Variants in FABP5 observed in about 807,000 individuals in gnomAD.
The protein encoded by FABP5 is fatty acid-binding protein 5.
Under a neutral mutation model 16.9 loss-of-function variants are expected in FABP5, and 7 were observed. That is an observed-to-expected ratio of 0.41 (90% CI 0.24 to 0.78). The LOEUF is 0.78. FABP5 is among the 30% of genes least tolerant of loss of function. FABP5 has a pLI of 0.30. For synonymous variants in FABP5, 37 were observed against 52.8 expected (o/e 0.70, Z 1.30); for missense variants, 119 against 159.5 (o/e 0.75, Z 1.37).
At chr8:81,284,115 ATT>A (rs1807876115) in intron 3 of FABP5, 141 bp downstream of exon 3, 2 of 642,214 alleles carry the variant, frequency 3.1e-6, no homozygotes, top group South Asian at 4.1e-5. Context: ...TAGAACACTA[ATT>A]ATTAAGAAAG....
In FABP5 at chr8:81,281,787, A is replaced by C. The variant is rs1392046594; in HGVS notation, c.79+1113A>C. 3.6e-6 allele frequency: 2 copies of C among 557,818 alleles called. No individual in the cohort carries two copies. Among genetic ancestry groups the C allele is most frequent in the Non-Finnish European group, 4.5e-6 (2 of 439,768 alleles). The allele number at this position is 557,818 out of a possible 1,614,324, so 34.6% of individuals were successfully genotyped here. ...CTGGATAAATTGCAAACAAAAATGGACCTTTGTCACAGGCCACTAGGAAGT... is the reference window on the plus strand; with the variant it reads ...CTGGATAAATTGCAAACAAAAATGGCCCTTTGTCACAGGCCACTAGGAAGT... On this transcript the variant is annotated intron_variant, in intron 1 of 3. Coordinates refer to ENST00000297258, the MANE Select transcript of FABP5 (RefSeq NM_001444.3). The surrounding 1 kb of genome is among the most constrained non-coding windows in gnomAD (Gnocchi z 4.5).
In FABP5 at chr8:81,281,819, G is replaced by T. The variant is rs564681925; in HGVS notation, c.79+1145G>T. ...TCACAGGCCACTAGGAAGTGAGATGGAGTTAGCATAGCATGGATCCTCTCT... is the reference window on the plus strand; with the variant it reads ...TCACAGGCCACTAGGAAGTGAGATGTAGTTAGCATAGCATGGATCCTCTCT... On this transcript the variant is annotated intron_variant, in intron 1 of 3. Coordinates refer to ENST00000297258, the MANE Select transcript of FABP5 (RefSeq NM_001444.3). This position sits in a 1 kb window ranked among gnomAD's most constrained non-coding sequence, Gnocchi z 4.5. 2.4e-3 allele frequency: 694 copies of T among 293,842 alleles called. 1 individual carries two copies. The highest frequency in any genetic ancestry group is 0.012 in the South Asian group (94 of 7,616). 18.2% of individuals were successfully genotyped at this position (293,842 alleles called of 1,614,324 possible). A position where few individuals can be genotyped will look rare whatever the true frequency, so the allele number is the denominator to read the frequency against.
intron 1 of FABP5, among the ~76,000 whole-genome samples, chr8:81,282,167 A>AGTGTGT (rs10700115): frequency 0.19 from 28,660 of 147,616 alleles, 2,936 homozygotes; most frequent in Middle Eastern, 0.25. Flanking sequence ...AATAAATAAC[A>AGTGTGT]GTGTGTGTGT....
chr8:81,283,265 A>G lies in FABP5; in HGVS notation c.80-101A>G. 2.9e-6 allele frequency: 3 copies of G among 1,029,714 alleles called. No individual in the cohort carries two copies. In the South Asian group the frequency reaches 5.3e-5, roughly 18 times the overall value. 63.8% of individuals were successfully genotyped at this position (1,029,714 alleles called of 1,614,324 possible). ...ATAGTTATCAATAAGCAAATAAGTG[A>G]AAATATGCCGCACAAAGTGATTACA... On this transcript the variant is annotated intron_variant, in intron 1 of 3. Coordinates refer to ENST00000297258, the MANE Select transcript of FABP5 (RefSeq NM_001444.3).
chr8:81,283,805 G>A, intron 2 of FABP5, 68 bp from the exon 3 acceptor site: 6 of 1,236,600 alleles, frequency 4.9e-6, no homozygotes, highest in Non-Finnish European at 6.9e-6. Flanking sequence ...GTTGATTAAG[G>A]AGGTTATGAG....
chr8:81,280,983 G>A, intron 1 of FABP5: 1 of 348,530 alleles, frequency 2.9e-6, no homozygotes, highest in Non-Finnish European at 5.4e-6. Flanking sequence ...CTTCCGCATT[G>A]CTTCCTGTCC....
chr8:81,283,958 A>T lies in FABP5; in HGVS notation c.338A>T (p.Asp113Val). ...KESTITRKLK[D>V]GKLVVECVMN... Reference sequence around the variant, plus strand: ...AGCACAATAACAAGAAAATTGAAAGATGGGAAATTAGTGGTGGTAAGTGTC... The same window carrying T: ...AGCACAATAACAAGAAAATTGAAAGTTGGGAAATTAGTGGTGGTAAGTGTC... Residue 113 changes from aspartate to valine, a missense_variant, in exon 3 of 4, where the codon GAT becomes GTT. Coordinates refer to ENST00000297258, the MANE Select transcript of FABP5 (RefSeq NM_001444.3). 1 of 1,608,184 alleles carries T rather than the reference A, an allele frequency of 6.2e-7. No homozygotes were observed. The highest frequency in any genetic ancestry group is 1.7e-4 in the Middle Eastern group (1 of 6,056).
intron 1 of FABP5, among the ~76,000 whole-genome samples, chr8:81,282,785 A>G (rs1195346414): frequency 1.3e-5 from 2 of 152,114 alleles, no homozygotes; most frequent in African/African-American, 2.4e-5. Flanking sequence ...CTCAGGATCA[A>G]TTTCTATTTT....
rs1320301683 is a variant in FABP5, at chr8:81,280,613, G to C, written c.18G>C (p.Gln6His). 6.4e-7 allele frequency: 1 copy of C among 1,557,736 alleles called. No homozygotes were observed. The highest frequency in any genetic ancestry group is 8.7e-7 in the Non-Finnish European group (1 of 1,149,972). MATVQ[Q>H]LEGRWRLVDS... ...CACCCACCATGGCCACAGTTCAGCA[G>C]CTGGAAGGAAGATGGCGCCTGGTGG... Residue 6 changes from glutamine to histidine, a missense_variant, in exon 1 of 4, where the codon CAG becomes CAC. Gln to His is a conservative substitution (Grantham distance 24, BLOSUM62 0). Coordinates refer to ENST00000297258, the MANE Select transcript of FABP5 (RefSeq NM_001444.3).
rs145774881 is a variant in FABP5, at chr8:81,283,416, A to T, written c.130A>T (p.Ile44Phe). ...GGGCGCAATGGCCAAGCCAGATTGT[A>T]TCATCACTTGTGATGGTAAAAACCT... The part of the protein sequence containing the change: ...KMGAMAKPDC[I>F]ITCDGKNLTI... The change falls in exon 2 of 4, where the codon ATC (isoleucine) becomes TTC (phenylalanine). Residue 44 changes from isoleucine (I) to phenylalanine (F), a missense_variant. Coordinates refer to ENST00000297258, the MANE Select transcript of FABP5 (RefSeq NM_001444.3). 6.2e-7 allele frequency: 1 copy of T among 1,611,370 alleles called. No individual in the cohort carries two copies. Among genetic ancestry groups the T allele is most frequent in the East Asian group, 2.2e-5 (1 of 44,856 alleles).
chr8:81,280,987 C>T (rs1320715405), intron 1 of FABP5: 4 of 331,214 alleles, frequency 1.2e-5, no homozygotes, highest in African/African-American at 2.2e-5. Flanking sequence ...CGCATTGCTT[C>T]CTGTCCTTTA....
At chr8:81,283,337 G>A (rs1190705245) in intron 1 of FABP5, 29 bp from the exon 2 acceptor site, 4 of 1,539,084 alleles carry the variant, frequency 2.6e-6, no homozygotes, top group Non-Finnish European at 2.6e-6. Context: ...TGGTCTTCCT[G>A]TTATTTAACA....
Position 81,281,190 on chromosome 8 carries a change from C to T in FABP5, c.79+516C>T, listed in dbSNP as rs1018341349. The stretch of plus-strand genomic sequence containing the variant: ...CTTTTGTTCCCTGTGGCGCGCAGGT[C>T]ACCCTCCGTTTTCTTCATGGGGACG... On this transcript the variant is annotated intron_variant, in intron 1 of 3. Coordinates refer to ENST00000297258, the MANE Select transcript of FABP5 (RefSeq NM_001444.3). The surrounding 1 kb of genome is among the most constrained non-coding windows in gnomAD (Gnocchi z 4.5). 1.0e-5 allele frequency: 3 copies of T among 292,686 alleles called. No individual in the cohort carries two copies. Among genetic ancestry groups the T allele is most frequent in the African/African-American group, 4.5e-5 (2 of 44,068 alleles). The allele number at this position is 292,686 out of a possible 1,614,324, so 18.1% of individuals were successfully genotyped here.
chr8:81,284,349 A>C (rs1807879322), intron 3 of FABP5, 165 bp from the exon 4 acceptor site: 1 of 573,582 alleles, frequency 1.7e-6, no homozygotes, highest in Admixed American at 3.1e-5. Context: ...TAAGCAAAAC[A>C]ACAGCTTCTG....
At chr8:81,282,010 T>TATCCA (rs1310552692) in intron 1 of FABP5, among the ~76,000 whole-genome samples, 2 of 152,190 alleles carry the variant, frequency 1.3e-5, no homozygotes, top group Non-Finnish European at 2.9e-5. Context: ...CAGTACCCTT[T>TATCCA]ATCCAAGACC....
chr8:81,283,378 C>G lies in FABP5; in HGVS notation c.92C>G (p.Ala31Gly), dbSNP rs1472048412. The change falls in exon 2 of 4, where the codon GCT becomes GGT. Residue 31 changes from alanine (A) to glycine (G), a missense_variant. Coordinates refer to ENST00000297258, the MANE Select transcript of FABP5 (RefSeq NM_001444.3). ...EYMKELGVGIALRKMGAMAKP... is the reference protein window; with the variant it reads ...EYMKELGVGIGLRKMGAMAKP... ...TAACATTCTACAGGAGTGGGAATAG[C>G]TTTGCGAAAAATGGGCGCAATGGCC... 1.9e-6 allele frequency: 3 copies of G among 1,596,146 alleles called. No individual in the cohort carries two copies. Among genetic ancestry groups the G allele is most frequent in the African/African-American group, 1.3e-5 (1 of 74,166 alleles).
Position 81,284,474 on chromosome 8 carries a change from A to G in FABP5, c.355-40A>G, listed in dbSNP as rs761650945. 7 of 1,418,602 alleles carry G rather than the reference A, an allele frequency of 4.9e-6. No homozygotes were observed. In the South Asian group the frequency reaches 8.1e-5, roughly 16 times the overall value. The allele number at this position is 1,418,602 out of a possible 1,614,324, so 87.9% of individuals were successfully genotyped here. A position where few individuals can be genotyped will look rare whatever the true frequency, so the allele number is the denominator to read the frequency against. On this transcript the variant is annotated intron_variant, in intron 3 of 3. Transcript: ENST00000297258. ...TAATACCACCACTGCTCTGGAATCT[A>G]AGGCTAACCTAACTCTTTTAATATC...
At position 81,281,987 on chromosome 8, in the gene FABP5, G is replaced by A. The variant is rs1807839863; in HGVS notation, c.79+1313G>A. ...TGATACCTGGTCGCCGTGGCACTTC[G>A]GAATCACTCCTTCAGTACCCTTTAT... On this transcript the variant is annotated intron_variant, in intron 1 of 3. Coordinates refer to ENST00000297258, the MANE Select transcript of FABP5 (RefSeq NM_001444.3). This position sits in a 1 kb window ranked among gnomAD's most constrained non-coding sequence, Gnocchi z 4.5. 6.6e-6 allele frequency among the ~76,000 whole-genome samples: 1 copy of A among 152,064 alleles called. No homozygotes were observed. Among genetic ancestry groups the A allele is most frequent in the Non-Finnish European group, 1.5e-5 (1 of 68,020 alleles).
At chr8:81,283,834 T>A (rs777710390) in intron 2 of FABP5, 39 bp from the exon 3 acceptor site, 117 of 1,524,190 alleles carry the variant, frequency 7.7e-5, no homozygotes, top group Non-Finnish European at 1.0e-4. Context: ...ACTCTTGTAA[T>A]GTACTTGGAA....
Sources: gnomAD v4.1 joint callset for allele counts (sites outside exome capture counted in the v4.1 genomes callset) on GRCh38, gnomAD v4.1.1 for gene constraint, Gnocchi (gnomAD v3.1) non-coding constraint, MANE v1.5 for transcripts, NCBI Gene and HGNC (gene_info 2026-07-23, HGNC 2026-07-21) for gene names.